The following CREBRF variants were observed in gnomAD, a reference collection of about 807,000 sequenced individuals.
The protein encoded by CREBRF is UPF0474 protein C5orf41.
Under a neutral mutation model 66.1 loss-of-function variants are expected in CREBRF, and 5 were observed. The observed-to-expected ratio is 0.08, with a 90% confidence interval of 0.04 to 0.16. The LOEUF is 0.16. Ranked by LOEUF, CREBRF falls within the 10% of genes least tolerant of loss-of-function variation. The probability of loss-of-function intolerance (pLI) is 1.00; values close to 1 mark genes in which losing one functional copy is unlikely to be tolerated. For synonymous variants in CREBRF, 229 were observed against 264.4 expected, an observed-to-expected ratio of 0.87 and a Z score of 1.30; for missense variants, 531 against 744.9, an observed-to-expected ratio of 0.71 and a Z score of 3.34.
At chr5:173,080,873 T>G in intron 2 of CREBRF, 89 bp downstream of exon 2, 1 of 1,242,496 alleles carries the variant, frequency 8.0e-7, no homozygotes, top group South Asian at 1.3e-5. Flanking sequence ...TTAACACAAC[T>G]TTGCATACTA....
At chr5:173,119,051 A>G (rs1400927477) in intron 7 of CREBRF, among the ~76,000 whole-genome samples, 1 of 152,166 alleles carries the variant, frequency 6.6e-6, no homozygotes, top group Non-Finnish European at 1.5e-5. Flanking sequence ...TGTCTTGATC[A>G]CTGTACAGAA....
Position 173,056,384 on chromosome 5 carries a change from G to A in CREBRF, c.-287G>A, listed in dbSNP as rs534849549. 1.3e-5 allele frequency: 5 copies of A among 398,184 alleles called. No individual in the cohort carries two copies. In the East Asian group the frequency reaches 1.4e-4, roughly 11 times the overall value. 24.7% of individuals were successfully genotyped at this position (398,184 alleles called of 1,614,324 possible). A position where few individuals can be genotyped will look rare whatever the true frequency, so the allele number is the denominator to read the frequency against. On this transcript the variant is annotated 5_prime_UTR_variant, in exon 1 of 9. Transcript: ENST00000296953. Reference sequence around the variant, plus strand: ...GCGATTTCCGGGAACCCGTCAGGAAGGACATAAACAAAACAAACCCGAGGC... The same window carrying A: ...GCGATTTCCGGGAACCCGTCAGGAAAGACATAAACAAAACAAACCCGAGGC...
chr5:173,117,603 ATCCC>A (rs1214632931), intron 7 of CREBRF, among the ~76,000 whole-genome samples: 2 of 18,184 alleles, frequency 1.1e-4, no homozygotes, highest in African/African-American at 3.6e-4. Context: ...CCTTCCTTCC[ATCCC>A]TCCCTCCCTC....
chr5:173,087,411 C>T (rs145695390), intron 3 of CREBRF, among the ~76,000 whole-genome samples: 59 of 151,778 alleles, frequency 3.9e-4, no homozygotes, highest in African/African-American at 1.3e-3. Context: ...AAGTATGCAG[C>T]TGTTGGCTGG....
intron 7 of CREBRF, among the ~76,000 whole-genome samples, chr5:173,122,704 C>T (rs1482681470): frequency 2.1e-5 from 3 of 143,894 alleles, no homozygotes; most frequent in African/African-American, 5.1e-5. Flanking sequence ...CCCATTAACT[C>T]GTCATTTAGC....
chr5:173,112,248 A>T, intron 6 of CREBRF, 58 bp from the exon 7 acceptor site: 1 of 1,274,602 alleles, frequency 7.8e-7, no homozygotes, highest in African/African-American at 1.5e-5. Flanking sequence ...CGTAATTAAA[A>T]ATAATAAAAT....
intron 3 of CREBRF, among the ~76,000 whole-genome samples, chr5:173,089,176 CAA>C (rs369433965): frequency 9.9e-5 from 7 of 70,356 alleles, no homozygotes; most frequent in Admixed American, 3.6e-4. Context: ...GACTCCATCT[CAA>C]AAAAAAAAAA....
At chr5:173,078,485 AATAT>A (rs1757837707) in intron 1 of CREBRF, among the ~76,000 whole-genome samples, 1 of 150,780 alleles carries the variant, frequency 6.6e-6, no homozygotes, top group African/African-American at 2.4e-5. Context: ...ATGTATAATA[AATAT>A]ATATTTATTA....
chr5:173,116,280 A>G (rs1321900503), intron 7 of CREBRF, among the ~76,000 whole-genome samples: 1 of 152,240 alleles, frequency 6.6e-6, no homozygotes, highest in Non-Finnish European at 1.5e-5. Context: ...TTGAAAGAGT[A>G]TAATTCGATT....
chr5:173,101,362 GT>G (rs1156677933), intron 4 of CREBRF, among the ~76,000 whole-genome samples: 12 of 151,602 alleles, frequency 7.9e-5, no homozygotes, highest in Non-Finnish European at 1.5e-4. Context: ...CAGCCCAGTG[GT>G]TTTTTTTCTT....
intron 2 of CREBRF, among the ~76,000 whole-genome samples, chr5:173,083,695 G>A (rs958650646): frequency 1.1e-4 from 17 of 152,196 alleles, no homozygotes; most frequent in Non-Finnish European, 2.2e-4. Context: ...GAAAAGACAG[G>A]GAATTCTCTA....
chr5:173,059,942 T>C (rs1019191983), intron 1 of CREBRF, among the ~76,000 whole-genome samples: 1 of 152,202 alleles, frequency 6.6e-6, no homozygotes, highest in African/African-American at 2.4e-5. Flanking sequence ...AGCAAGCTTT[T>C]ATATAGACAA....
chr5:173,068,843 C>T (rs897272304), intron 1 of CREBRF, among the ~76,000 whole-genome samples: 17 of 150,806 alleles, frequency 1.1e-4, no homozygotes, highest in Admixed American at 4.6e-4. Context: ...CCGAGGCAGG[C>T]GAATTGCCTG....
At chr5:173,076,234 T>C (rs1431783053) in intron 1 of CREBRF, among the ~76,000 whole-genome samples, 1 of 152,136 alleles carries the variant, frequency 6.6e-6, no homozygotes, top group Admixed American at 6.6e-5. Context: ...TGAATTCATT[T>C]TTTCTATCAA....
intron 2 of CREBRF, among the ~76,000 whole-genome samples, chr5:173,085,163 G>A (rs1412481732): frequency 6.6e-6 from 1 of 151,418 alleles, no homozygotes; most frequent in Non-Finnish European, 1.5e-5. Context: ...GCCTGGTCTC[G>A]AACTCCTGAC....
At chr5:173,120,385 C>CTTTT (rs567092558) in intron 7 of CREBRF, among the ~76,000 whole-genome samples, 3 of 144,162 alleles carry the variant, frequency 2.1e-5, no homozygotes, top group Admixed American at 7.0e-5. Flanking sequence ...TTCTTTCTTT[C>CTTTT]TTTTTTTTTT....
At chr5:173,097,399 C>T (rs1758503980) in intron 4 of CREBRF, among the ~76,000 whole-genome samples, 1 of 152,076 alleles carries the variant, frequency 6.6e-6, no homozygotes, top group African/African-American at 2.4e-5. Flanking sequence ...CACTCACCAC[C>T]ATGCCTGGCT....
At chr5:173,070,987 T>A (rs1420025403) in intron 1 of CREBRF, among the ~76,000 whole-genome samples, 1 of 152,080 alleles carries the variant, frequency 6.6e-6, no homozygotes, top group Non-Finnish European at 1.5e-5. Context: ...ATGATGGTCA[T>A]TCTCAAAGAT....
chr5:173,069,313 G>A (rs1471244671), intron 1 of CREBRF, among the ~76,000 whole-genome samples: 9 of 151,984 alleles, frequency 5.9e-5, no homozygotes, highest in African/African-American at 2.2e-4. Context: ...GCAGATGAGA[G>A]TCTGGAATGA....
Sources: allele counts gnomAD v4.1 joint callset (sites outside exome capture counted in the v4.1 genomes callset), GRCh38; gene constraint gnomAD v4.1.1; transcripts MANE v1.5; gene names NCBI Gene and HGNC (gene_info 2026-07-23, HGNC 2026-07-21).